MDGA2: variants seen among roughly 807,000 people sequenced by gnomAD.
MDGA2 encodes the protein MAM domain containing glycosylphosphatidylinositol anchor 2.
Under a neutral mutation model 117.8 loss-of-function variants are expected in MDGA2, and 40 were observed. The observed-to-expected ratio is 0.34, with a 90% confidence interval of 0.26 to 0.44. The LOEUF is 0.44. MDGA2 is among the 20% of genes least tolerant of loss of function. The pLI is 1.00. For missense variants in MDGA2, 1,123 were observed against 1,250.6 expected, an observed-to-expected ratio of 0.90 and a Z score of 1.54; for synonymous variants, 452 against 439.0, an observed-to-expected ratio of 1.03 and a Z score of -0.37.
intron 1 of MDGA2, among the ~76,000 whole-genome samples, chr14:47,378,938 A>G (rs902085908): frequency 1.3e-5 from 2 of 152,216 alleles, no homozygotes; most frequent in South Asian, 4.1e-4. Flanking sequence ...AGTTGAAATG[A>G]AGGAAAAAAT....
chr14:47,592,233 A>G (rs1446588796), intron 1 of MDGA2, among the ~76,000 whole-genome samples: 2 of 152,168 alleles, frequency 1.3e-5, no homozygotes, highest in Non-Finnish European at 2.9e-5. Context: ...TGCTCAAGGA[A>G]ATCAAAGAGC....
At chr14:46,969,320 G>A (rs1183505180) in intron 8 of MDGA2, among the ~76,000 whole-genome samples, 4 of 152,250 alleles carry the variant, frequency 2.6e-5, no homozygotes, top group South Asian at 4.2e-4. Context: ...CAGAGGAATC[G>A]CCACACTGAC....
chr14:47,291,402 G>A (rs531337946), intron 2 of MDGA2, among the ~76,000 whole-genome samples: 10 of 152,126 alleles, frequency 6.6e-5, no homozygotes, highest in Non-Finnish European at 1.3e-4. Context: ...TGTTCACTAG[G>A]TAAAAAATGC....
At chr14:47,189,388 T>C (rs148809409) in intron 3 of MDGA2, among the ~76,000 whole-genome samples, 1 of 152,104 alleles carries the variant, frequency 6.6e-6, no homozygotes, top group Non-Finnish European at 1.5e-5. Flanking sequence ...CAAGAAACCA[T>C]AGAGATTATT....
chr14:47,008,411 G>C (rs1594521506), intron 8 of MDGA2, among the ~76,000 whole-genome samples: 1 of 151,886 alleles, frequency 6.6e-6, no homozygotes. Context: ...GCATAAGGCA[G>C]TAAGTCTTTG....
At chr14:47,067,976 G>C (rs1356041809) in intron 6 of MDGA2, among the ~76,000 whole-genome samples, 1 of 152,082 alleles carries the variant, frequency 6.6e-6, no homozygotes, top group Non-Finnish European at 1.5e-5. Flanking sequence ...CTGAATGGAA[G>C]TTCATTAATA....
intron 3 of MDGA2, among the ~76,000 whole-genome samples, chr14:47,210,866 C>T (rs55682943): frequency 0.063 from 9,649 of 152,128 alleles, 359 homozygotes; most frequent in Non-Finnish European, 0.065. Flanking sequence ...TGCCTGTAGT[C>T]CTAGCTATTC....
At chr14:47,590,047 G>C (rs1434824555) in intron 1 of MDGA2, among the ~76,000 whole-genome samples, 2 of 151,586 alleles carry the variant, frequency 1.3e-5, no homozygotes, top group Non-Finnish European at 3.0e-5. Context: ...TAGTTTATTA[G>C]TTCTAATTTT....
intron 8 of MDGA2, among the ~76,000 whole-genome samples, chr14:46,989,267 AG>A (rs1886986999): frequency 1.3e-5 from 2 of 151,908 alleles, no homozygotes; most frequent in Admixed American, 6.6e-5. Flanking sequence ...CTTGCAAGAT[AG>A]TGGAAGGAAA....
At chr14:47,018,968 T>C (rs1035907709) in intron 8 of MDGA2, among the ~76,000 whole-genome samples, 1 of 152,158 alleles carries the variant, frequency 6.6e-6, no homozygotes, top group African/African-American at 2.4e-5. Flanking sequence ...AAAGTCTTTG[T>C]CTGCTTCTAC....
At position 47,436,397 on chromosome 14, in the gene MDGA2, A is replaced by G. The variant is rs530545027; in HGVS notation, c.281-134847T>C. Among the ~76,000 whole-genome samples the G allele has an allele frequency of 7.9e-5, 12 of 152,250 alleles. No individual in the cohort carries two copies. In the South Asian group the frequency reaches 2.3e-3, roughly 29 times the overall value. ...TTACATGTAGCTAGTCTTTAGTAGT[A>G]CAGATAAGCAGAACAAATGGCATTT... On this transcript the variant is annotated intron_variant, in intron 1 of 16. Transcript: ENST00000399232.
At chr14:47,613,477 T>TCACACACACACACA (rs200626697) in intron 1 of MDGA2, among the ~76,000 whole-genome samples, 22 of 138,162 alleles carry the variant, frequency 1.6e-4, no homozygotes, top group African/African-American at 6.3e-4. Context: ...TCTCTCTCTC[T>TCACACACACACACA]CTCACACACA....
intron 1 of MDGA2, among the ~76,000 whole-genome samples, chr14:47,414,114 T>C (rs985403916): frequency 6.6e-6 from 1 of 152,090 alleles, no homozygotes; most frequent in African/African-American, 2.4e-5. Context: ...ACATATGAAG[T>C]CCTAGTGAGA....
At chr14:47,474,957 G>C (rs1326110617) in intron 1 of MDGA2, among the ~76,000 whole-genome samples, 1 of 152,124 alleles carries the variant, frequency 6.6e-6, no homozygotes, top group East Asian at 1.9e-4. Context: ...AAAAGCTATT[G>C]CAACAAAAGC....
At chr14:47,539,104 G>A (rs1895284782) in intron 1 of MDGA2, among the ~76,000 whole-genome samples, 1 of 152,100 alleles carries the variant, frequency 6.6e-6, no homozygotes, top group Non-Finnish European at 1.5e-5. Context: ...GGGCTGGTTG[G>A]TGCACACACA....
chr14:47,386,814 G>A (rs1003160807), intron 1 of MDGA2, among the ~76,000 whole-genome samples: 1 of 152,176 alleles, frequency 6.6e-6, no homozygotes, highest in Non-Finnish European at 1.5e-5. Context: ...ATAAACTCAT[G>A]AGGCACACTG....
chr14:47,233,347 G>A (rs1446714414), intron 2 of MDGA2, among the ~76,000 whole-genome samples: 1 of 151,996 alleles, frequency 6.6e-6, no homozygotes, highest in Non-Finnish European at 1.5e-5. Context: ...TTACAAAACC[G>A]ATATATTAAA....
At chr14:47,077,120 C>A (rs891456730) in intron 6 of MDGA2, among the ~76,000 whole-genome samples, 1 of 152,078 alleles carries the variant, frequency 6.6e-6, no homozygotes, top group Non-Finnish European at 1.5e-5. Context: ...CAGGCACCAG[C>A]ATCATGAATT....
chr14:47,619,163 T>G (rs929458508), intron 1 of MDGA2, among the ~76,000 whole-genome samples: 23 of 145,574 alleles, frequency 1.6e-4, no homozygotes, highest in African/African-American at 5.9e-4. Context: ...ATACATTATC[T>G]ACAAAACTGC....
Sources: gnomAD v4.1 joint callset for allele counts (sites outside exome capture counted in the v4.1 genomes callset) on GRCh38, gnomAD v4.1.1 for gene constraint, MANE v1.5 for transcripts, NCBI Gene and HGNC (gene_info 2026-07-23, HGNC 2026-07-21) for gene names.